Variants in ADGRD1 observed in about 807,000 individuals in gnomAD.
ADGRD1 encodes G-protein coupled receptor 133.
ADGRD1 carries 77 observed loss-of-function variants against 113.4 expected under a neutral mutation model. That is an observed-to-expected ratio of 0.68 (90% CI 0.57 to 0.82). The LOEUF (loss-of-function observed/expected upper bound fraction) is 0.82, where lower values mean the gene tolerates loss of function less well. Ranked by LOEUF, ADGRD1 falls within the 40% of genes least tolerant of loss-of-function variation. The pLI is 0.00. For missense variants in ADGRD1, 1,036 were observed against 1,139.1 expected, an observed-to-expected ratio of 0.91 and a Z score of 1.30; for synonymous variants, 474 against 475.0, an observed-to-expected ratio of 1.00 and a Z score of 0.03.
rs376289706 is a variant in ADGRD1 at position 131,005,947 on chromosome 12, G to A, written c.1256-25G>A. 17 of 1,597,282 alleles carry A rather than the reference G, an allele frequency of 1.1e-5. No homozygotes were observed. In the African/African-American group the frequency reaches 1.7e-4, roughly 16 times the overall value. ...GCCTGTGGCCTGGAGCGCTGACAGC[G>A]CCTGCCCCTCTGCTCTCTCTGCAGC... On this transcript the variant is annotated intron_variant, in intron 11 of 24. Coordinates refer to ENST00000261654, the MANE Select transcript of ADGRD1 (RefSeq NM_198827.5).
intron 8 of ADGRD1, among the ~76,000 whole-genome samples, chr12:130,997,188 A>C (rs1303695296): frequency 0.029 from 597 of 20,746 alleles, no homozygotes; most frequent in Admixed American, 0.044. Flanking sequence ...CGGGGGGCTG[A>C]CCCCCCCCCC....
At chr12:130,995,420 C>T (rs1875114535) in intron 8 of ADGRD1, among the ~76,000 whole-genome samples, 1 of 152,244 alleles carries the variant, frequency 6.6e-6, no homozygotes, top group Non-Finnish European at 1.5e-5. Context: ...AGCTTGGTCA[C>T]TTTTACTTTC....
At chr12:131,030,272 C>G (rs1880549469) in intron 13 of ADGRD1, among the ~76,000 whole-genome samples, 1 of 151,948 alleles carries the variant, frequency 6.6e-6, no homozygotes, top group Non-Finnish European at 1.5e-5. Context: ...GTGACATTCC[C>G]AGGCTCTGGG....
intron 20 of ADGRD1, among the ~76,000 whole-genome samples, chr12:131,131,483 G>T (rs1329473609): frequency 6.6e-6 from 1 of 152,214 alleles, no homozygotes; most frequent in African/African-American, 2.4e-5. Context: ...ATGTGTTCCT[G>T]GGACTAGAAC....
chr12:131,095,533 T>G (rs1366860815), intron 15 of ADGRD1, among the ~76,000 whole-genome samples: 3 of 152,204 alleles, frequency 2.0e-5, no homozygotes, highest in Non-Finnish European at 4.4e-5. Context: ...GGGGCTACCC[T>G]CAGAATTGGG....
At chr12:131,047,739 C>T (rs976299121) in intron 13 of ADGRD1, among the ~76,000 whole-genome samples, 4 of 152,218 alleles carry the variant, frequency 2.6e-5, no homozygotes, top group African/African-American at 9.6e-5. Flanking sequence ...AATTCCCCAC[C>T]TCAGCATTTC....
At chr12:131,120,521 T>C (rs1950567932) in intron 19 of ADGRD1, among the ~76,000 whole-genome samples, 1 of 152,142 alleles carries the variant, frequency 6.6e-6, no homozygotes, top group Admixed American at 6.5e-5. Context: ...AGAAGGCCCC[T>C]ATTGGGTCAT....
At chr12:131,125,057 C>T (rs1244008572) in intron 20 of ADGRD1, among the ~76,000 whole-genome samples, 1 of 152,194 alleles carries the variant, frequency 6.6e-6, no homozygotes. Flanking sequence ...ATGCTTTTCC[C>T]TCTGTGCATG....
chr12:131,077,594 C>T (rs763903568), intron 14 of ADGRD1, among the ~76,000 whole-genome samples: 20 of 152,082 alleles, frequency 1.3e-4, no homozygotes, highest in Non-Finnish European at 2.6e-4. Flanking sequence ...CTCAGCTCCC[C>T]GCAGGGCCGG....
intron 15 of ADGRD1, among the ~76,000 whole-genome samples, chr12:131,103,961 C>T (rs550335931): frequency 6.6e-6 from 1 of 152,322 alleles, no homozygotes; most frequent in East Asian, 1.9e-4. Flanking sequence ...CGCAGGGTCA[C>T]ATGTGTCTGA....
chr12:131,070,738 C>G (rs1885090946), intron 13 of ADGRD1: 1 of 496,468 alleles, frequency 2.0e-6, no homozygotes, highest in Non-Finnish European at 4.1e-6. Flanking sequence ...CAGCACTATC[C>G]TGGGCGGAAC....
chr12:131,076,875 G>A lies in ADGRD1; in HGVS notation c.1547+1G>A, dbSNP rs376441109. 10 of 1,613,604 alleles carry A rather than the reference G, an allele frequency of 6.2e-6. No homozygotes were observed. The highest frequency in any genetic ancestry group is 8.5e-6 in the Non-Finnish European group (10 of 1,179,610). ...TGTACTGCGCCTTCCTGGACTTCAG[G>A]TACCCTCTGCACAGGGGAGAGCAGG... On this transcript the variant is annotated splice_donor_variant, in intron 14 of 24. Coordinates refer to ENST00000261654, the MANE Select transcript of ADGRD1 (RefSeq NM_198827.5). LOFTEE classifies it high-confidence loss of function.
Position 131,084,501 on chromosome 12 carries a change from CG to C in ADGRD1, c.1548-37del. The C allele has an allele frequency of 6.2e-7, 1 of 1,612,186 alleles. No individual in the cohort carries two copies. Among genetic ancestry groups the C allele is most frequent in the Middle Eastern group, 1.7e-4 (1 of 6,054 alleles). ...CTCAGTCCCCTGCCTGCCAAGGGTGCGGTGCTACCTCCTCTGATCCTTTCTC... is the reference window on the plus strand; with the variant it reads ...CTCAGTCCCCTGCCTGCCAAGGGTGCGTGCTACCTCCTCTGATCCTTTCTC... On this transcript the variant is annotated intron_variant, in intron 14 of 24. Coordinates refer to ENST00000261654, the MANE Select transcript of ADGRD1 (RefSeq NM_198827.5). The surrounding 1 kb of genome is among the most constrained non-coding windows in gnomAD (Gnocchi z 4.5).
At chr12:131,018,991 G>T in intron 13 of ADGRD1, among the ~76,000 whole-genome samples, 1 of 152,348 alleles carries the variant, frequency 6.6e-6, no homozygotes, top group East Asian at 1.9e-4. Context: ...GCACAGACTC[G>T]TAGGCCTCCG....
intron 15 of ADGRD1, among the ~76,000 whole-genome samples, chr12:131,093,684 C>A (rs969720562): frequency 6.6e-6 from 1 of 152,326 alleles, no homozygotes; most frequent in Middle Eastern, 3.4e-3. Context: ...GCTCCCTCCA[C>A]GGGGTCTCTG....
At chr12:131,138,527 C>T (rs773573201) in intron 24 of ADGRD1, among the ~76,000 whole-genome samples, 10 of 152,206 alleles carry the variant, frequency 6.6e-5, no homozygotes, top group Non-Finnish European at 1.3e-4. Flanking sequence ...CCATCCCCGC[C>T]GCCCTCCAGA....
chr12:131,088,771 G>T (rs819115), intron 15 of ADGRD1, among the ~76,000 whole-genome samples: 9,219 of 152,292 alleles, frequency 0.061, 307 homozygotes, highest in South Asian at 0.071. Flanking sequence ...TCCCACTGCA[G>T]ATGACCAGGG....
At chr12:130,991,336 C>T (rs1159299669) in intron 7 of ADGRD1, among the ~76,000 whole-genome samples, 1 of 152,076 alleles carries the variant, frequency 6.6e-6, no homozygotes, top group Admixed American at 6.5e-5. Context: ...ATTCATGGGA[C>T]GTGGGCGCCG....
chr12:131,017,937 C>T (rs1404864833), intron 13 of ADGRD1, among the ~76,000 whole-genome samples: 1 of 151,996 alleles, frequency 6.6e-6, no homozygotes, highest in Non-Finnish European at 1.5e-5. Flanking sequence ...GACACACACT[C>T]AGTACACACC....
Sources: gnomAD v4.1 joint callset for allele counts (sites outside exome capture counted in the v4.1 genomes callset) on GRCh38, gnomAD v4.1.1 for gene constraint, Gnocchi (gnomAD v3.1) non-coding constraint, MANE v1.5 for transcripts, NCBI Gene and HGNC (gene_info 2026-07-23, HGNC 2026-07-21) for gene names.